Variants in CSMD3 observed in about 807,000 individuals in gnomAD.
The protein encoded by CSMD3 is CUB and Sushi multiple domains 3, also known as CUB and sushi domain-containing protein 3.
Under a neutral mutation model 435.2 loss-of-function variants are expected in CSMD3, and 177 were observed. That is an observed-to-expected ratio of 0.41 (90% CI 0.36 to 0.46). CSMD3 has a LOEUF of 0.46. CSMD3 is among the 20% of genes least tolerant of loss of function. The probability of loss-of-function intolerance (pLI) is 0.34; values close to 1 mark genes in which losing one functional copy is unlikely to be tolerated. For synonymous variants in CSMD3, 1,656 were observed against 1,520.5 expected, an observed-to-expected ratio of 1.09 and a Z score of -2.07; for missense variants, 4,265 against 4,504.6, an observed-to-expected ratio of 0.95 and a Z score of 1.52.
chr8:113,425,648 C>G (rs982624069), intron 1 of CSMD3, among the ~76,000 whole-genome samples: 4 of 151,438 alleles, frequency 2.6e-5, no homozygotes, highest in African/African-American at 9.7e-5. Flanking sequence ...GAAAATGGAT[C>G]TTAAAAGTTT....
intron 48 of CSMD3, 60 bp downstream of exon 48, chr8:112,314,369 G>T: frequency 8.2e-7 from 1 of 1,225,882 alleles, no homozygotes; most frequent in African/African-American, 1.5e-5. Flanking sequence ...AAGTTTACAT[G>T]TATAATTAGA....
At chr8:112,408,544 C>T in intron 33 of CSMD3, 131 bp from the exon 34 acceptor site, 1 of 713,196 alleles carries the variant, frequency 1.4e-6, no homozygotes, top group Non-Finnish European at 2.5e-6. Flanking sequence ...TTAAAATATC[C>T]TACAACTACC....
At chr8:112,732,919 T>C (rs539801026) in intron 13 of CSMD3, among the ~76,000 whole-genome samples, 2 of 152,240 alleles carry the variant, frequency 1.3e-5, no homozygotes, top group East Asian at 1.9e-4. Context: ...CAAACTTATA[T>C]GTTACAACAG....
chr8:113,256,993 T>C (rs1482323815), intron 3 of CSMD3, among the ~76,000 whole-genome samples: 1 of 152,194 alleles, frequency 6.6e-6, no homozygotes, highest in African/African-American at 2.4e-5. Context: ...CTGATTTACA[T>C]GAATGTTAAT....
intron 13 of CSMD3, among the ~76,000 whole-genome samples, chr8:112,778,255 G>A (rs140007047): frequency 1.3e-5 from 2 of 151,946 alleles, no homozygotes; most frequent in East Asian, 3.9e-4. Flanking sequence ...TTAGAATTCA[G>A]GCTTGGTGTT....
intron 13 of CSMD3, among the ~76,000 whole-genome samples, chr8:112,742,123 C>T (rs925610802): frequency 1.4e-4 from 21 of 151,438 alleles, no homozygotes; most frequent in Middle Eastern, 3.2e-3. Flanking sequence ...CCACCCCCTC[C>T]GCACTCATCT....
chr8:113,066,685 G>A (rs1225408593), intron 5 of CSMD3, among the ~76,000 whole-genome samples: 3 of 151,878 alleles, frequency 2.0e-5, no homozygotes, highest in Non-Finnish European at 4.4e-5. Context: ...CATAAAGGGG[G>A]ATAAATCAGA....
rs147188241 is a variant in CSMD3 at position 112,821,108 on chromosome 8, A to G, written c.1859+8578T>C. Reference sequence around the variant, plus strand: ...TTGCTATTGCAAATAGTGCTTCAATAAACCTATGTGTGCATGTACCTTTAT... The same window carrying G: ...TTGCTATTGCAAATAGTGCTTCAATGAACCTATGTGTGCATGTACCTTTAT... On this transcript the variant is annotated intron_variant, in intron 12 of 70. Coordinates refer to ENST00000297405, the MANE Select transcript of CSMD3 (RefSeq NM_198123.2). Among the ~76,000 whole-genome samples, 160 of 152,292 alleles carry G rather than the reference A, an allele frequency of 1.1e-3. 2 individuals carry two copies. The highest frequency in any genetic ancestry group is 3.7e-3 in the African/African-American group (155 of 41,556).
intron 13 of CSMD3, 31 bp downstream of exon 13, chr8:112,800,131 T>C: frequency 7.3e-7 from 1 of 1,374,624 alleles, no homozygotes; most frequent in Non-Finnish European, 1.0e-6. Context: ...GGTATTAAGA[T>C]AACATTTCCT....
At chr8:113,277,569 T>C (rs1266015930) in intron 3 of CSMD3, among the ~76,000 whole-genome samples, 2 of 152,002 alleles carry the variant, frequency 1.3e-5, no homozygotes, top group Non-Finnish European at 2.9e-5. Flanking sequence ...TACTATGTGA[T>C]TGTTTTCTTT....
chr8:112,854,843 C>G (rs1038281467), intron 11 of CSMD3, among the ~76,000 whole-genome samples: 1 of 152,114 alleles, frequency 6.6e-6, no homozygotes, highest in African/African-American at 2.4e-5. Flanking sequence ...TGCAATGAGG[C>G]ATTTATTCTC....
At chr8:113,128,677 G>A (rs1008134570) in intron 4 of CSMD3, among the ~76,000 whole-genome samples, 6 of 151,956 alleles carry the variant, frequency 3.9e-5, no homozygotes, top group African/African-American at 1.2e-4. Context: ...CTCAGACAGA[G>A]GCTTCCTTAT....
intron 4 of CSMD3, among the ~76,000 whole-genome samples, chr8:113,127,962 T>A (rs2091182873): frequency 6.6e-6 from 1 of 152,072 alleles, no homozygotes; most frequent in South Asian, 2.1e-4. Context: ...TTCCTCTACG[T>A]AGAATATTCC....
intron 22 of CSMD3, among the ~76,000 whole-genome samples, chr8:112,594,770 G>A (rs548266028): frequency 3.9e-4 from 60 of 152,134 alleles, no homozygotes; most frequent in African/African-American, 1.3e-3. Context: ...CACCTCACAC[G>A]GCAGGGTACT....
chr8:112,531,563 C>A (rs1236671105), intron 27 of CSMD3, among the ~76,000 whole-genome samples: 2 of 151,986 alleles, frequency 1.3e-5, no homozygotes. Flanking sequence ...ATCCTGGCAA[C>A]CCAAGAAATT....
intron 2 of CSMD3, among the ~76,000 whole-genome samples, chr8:113,291,621 A>G (rs2093686993): frequency 2.0e-5 from 3 of 151,846 alleles, no homozygotes; most frequent in Admixed American, 2.0e-4. Context: ...ATGGAAATAG[A>G]CAAGAAACCA....
intron 30 of CSMD3, among the ~76,000 whole-genome samples, chr8:112,501,337 T>C (rs1808672303): frequency 6.7e-6 from 1 of 148,762 alleles, no homozygotes; most frequent in South Asian, 2.1e-4. Flanking sequence ...GAGGTTGCAG[T>C]GAGCTGAGAT....
At chr8:113,171,028 G>A (rs910931069) in intron 4 of CSMD3, among the ~76,000 whole-genome samples, 2 of 151,642 alleles carry the variant, frequency 1.3e-5, no homozygotes, top group Admixed American at 1.3e-4. Context: ...AGCAATAGAA[G>A]CATTGGTTTT....
chr8:113,097,206 T>C (rs2090190633), intron 5 of CSMD3, among the ~76,000 whole-genome samples: 1 of 152,086 alleles, frequency 6.6e-6, no homozygotes, highest in Admixed American at 6.6e-5. Context: ...TACAAAGCCT[T>C]GGATGGAGAG....
Sources: allele counts gnomAD v4.1 joint callset (sites outside exome capture counted in the v4.1 genomes callset), GRCh38; gene constraint gnomAD v4.1.1; transcripts MANE v1.5; gene names NCBI Gene and HGNC (gene_info 2026-07-23, HGNC 2026-07-21).